The following KMT2D variants were observed in gnomAD, a reference collection of about 807,000 sequenced individuals.
The protein encoded by KMT2D is lysine methyltransferase 2D, also known as histone-lysine N-methyltransferase 2D.
KMT2D carries 55 observed loss-of-function variants against 512.7 expected under a neutral mutation model. The ratio of observed to expected loss-of-function variants is 0.11; its 90% confidence interval spans 0.09 to 0.13. The LOEUF is 0.13. KMT2D is among the 10% of genes least tolerant of loss of function. The pLI is 1.00. For missense variants in KMT2D, 6,061 were observed against 7,127.9 expected, an observed-to-expected ratio of 0.85 and a Z score of 5.39; for synonymous variants, 2,995 against 2,904.0, an observed-to-expected ratio of 1.03 and a Z score of -1.01.
At chr12:49,035,073 G>A in intron 35 of KMT2D, 138 bp from the exon 36 acceptor site, 5 of 1,075,684 alleles carry the variant, frequency 4.6e-6, no homozygotes, top group Non-Finnish European at 6.7e-6. Context: ...ACTGAATTAG[G>A]AGCCAGTCGG....
Position 49,041,971 on chromosome 12 carries a change from T to C in KMT2D, c.6129A>G (p.Lys2043=). 1 of 1,612,156 alleles carries C rather than the reference T, an allele frequency of 6.2e-7. No homozygotes were observed. The highest frequency in any genetic ancestry group is 8.5e-7 in the Non-Finnish European group (1 of 1,179,128). ...CCTTTCTCCAGAGCTTCATGATTTG[T>C]TTGCAACGGCTTGACCAGTCTGGAG... ...QDYPDWSSRC[K]QIMKLWRKVP... The change falls in exon 30 of 55, where the codon AAA becomes AAG. Residue 2043 remains lysine, a synonymous_variant. Transcript: ENST00000301067. The surrounding 1 kb of genome is among the most constrained non-coding windows in gnomAD (Gnocchi z 5.4).
At chr12:49,025,740 CTTAGT>C (rs904415943) in intron 49 of KMT2D, among the ~76,000 whole-genome samples, 1 of 152,172 alleles carries the variant, frequency 6.6e-6, no homozygotes, top group African/African-American at 2.4e-5. Context: ...AATCACTTAG[CTTAGT>C]TTGTGGCTCA....
In KMT2D at chr12:49,037,516, C is replaced by T. The variant is rs2120480619; in HGVS notation, c.9840G>A (p.Gln3280=). Residue 3280 remains glutamine, a synonymous_variant, in exon 35 of 55, where the codon CAG becomes CAA. Coordinates refer to ENST00000301067, the MANE Select transcript of KMT2D (RefSeq NM_003482.4). ...GTGCAGACAGTAGGGAATGCTGCTG[C>T]TGCTGTTGCTGCTGCTGCTGGGCAG... The part of the protein sequence containing the change: ...LQPAQQQQQQ[Q]QQHSLLSAPG... 5 of 1,555,754 alleles carry T rather than the reference C, an allele frequency of 3.2e-6. No individual in the cohort carries two copies. Among genetic ancestry groups the T allele is most frequent in the African/African-American group, 1.4e-5 (1 of 73,348 alleles).
chr12:49,030,860 T>C, intron 41 of KMT2D, 33 bp downstream of exon 41: 1 of 1,613,198 alleles, frequency 6.2e-7, no homozygotes. Context: ...TATCCTGGGA[T>C]GGGACCAGGG....
rs2120655059 is a variant in KMT2D, at chr12:49,050,668, C to A, written c.2920G>T (p.Ala974Ser). 1.2e-6 allele frequency: 2 copies of A among 1,613,460 alleles called. No individual in the cohort carries two copies. The highest frequency in any genetic ancestry group is 8.5e-7 in the Non-Finnish European group (1 of 1,179,722). ...KGDSDPESPL[A>S]APILETPISP... Reference sequence around the variant, plus strand: ...ATGGGTGTCTCCAGGATGGGGGCAGCCAACGGTGACTCAGGGTCACTGTCC... The same window carrying A: ...ATGGGTGTCTCCAGGATGGGGGCAGACAACGGTGACTCAGGGTCACTGTCC... Residue 974 changes from alanine to serine, a missense_variant, in exon 12 of 55, where the codon GCT (alanine) becomes TCT (serine). By Grantham distance (99) the Ala-to-Ser change is moderately conservative (BLOSUM62 1). Coordinates refer to ENST00000301067, the MANE Select transcript of KMT2D (RefSeq NM_003482.4).
chr12:49,056,424 C>T (rs1938414014), intron 1 of KMT2D, among the ~76,000 whole-genome samples: 1 of 151,858 alleles, frequency 6.6e-6, no homozygotes, highest in South Asian at 2.1e-4. Context: ...CATTATTTTC[C>T]TAGATCTCAG....
chr12:49,040,878 T>C lies in KMT2D; in HGVS notation c.6892A>G (p.Ser2298Gly). 1 of 1,613,722 alleles carries C rather than the reference T, an allele frequency of 6.2e-7. No individual in the cohort carries two copies. ...AAGCCCAGGTTTGGGGGCCCATAGC[T>C]AGGAGAGGATGCCCCAAGCTCTTCC... Reference protein sequence around the residue: ...KKEELGASSPSYGPPNLGFVD... With the variant: ...KKEELGASSPGYGPPNLGFVD... The change falls in exon 32 of 55, where the codon AGC becomes GGC. Residue 2298 changes from serine (S) to glycine (G), a missense_variant. Physicochemically the swap from Ser to Gly is moderately conservative, Grantham distance 56. Around this residue, in one of 16 missense-constraint regions of KMT2D, gnomAD observed 710 missense variants for 647.3 expected, o/e 1.10. Coordinates refer to ENST00000301067, the MANE Select transcript of KMT2D (RefSeq NM_003482.4).
chr12:49,021,956 C>T, intron 54 of KMT2D, 84 bp from the exon 55 acceptor site: 1 of 1,553,616 alleles, frequency 6.4e-7, no homozygotes, highest in Non-Finnish European at 8.9e-7. Context: ...AGGTGCCCAG[C>T]CTAGGAATCC....
chr12:49,042,327 C>T lies in KMT2D; in HGVS notation c.5871G>A (p.Glu1957=), dbSNP rs764637568. 6.5e-7 allele frequency: 1 copy of T among 1,528,066 alleles called. No individual in the cohort carries two copies. The highest frequency in any genetic ancestry group is 8.8e-7 in the Non-Finnish European group (1 of 1,136,878). The allele number at this position is 1,528,066 out of a possible 1,614,324, so 94.7% of individuals were successfully genotyped here. Residue 1957 remains glutamate, a synonymous_variant, in exon 29 of 55, where the codon GAG becomes GAA. Coordinates refer to ENST00000301067, the MANE Select transcript of KMT2D (RefSeq NM_003482.4). The surrounding 1 kb of genome is among the most constrained non-coding windows in gnomAD (Gnocchi z 4.4). ...LCQSPFLDSR[E]RGGFFSPEPG... is the part of the protein sequence containing the mutation. ...GTTCCGGGCTAAAGAAGCCCCCGCGCTCCCTGGGGCGCAGGGGCAGAGAGT... is the reference window on the plus strand; with the variant it reads ...GTTCCGGGCTAAAGAAGCCCCCGCGTTCCCTGGGGCGCAGGGGCAGAGAGT...
rs994669431 is a variant in KMT2D at position 49,049,642 on chromosome 12, G to A, written c.3906+40C>T. 17 of 1,529,584 alleles carry A rather than the reference G, an allele frequency of 1.1e-5. No individual in the cohort carries two copies. In the African/African-American group the frequency reaches 1.5e-4, roughly 14 times the overall value. 94.8% of individuals were successfully genotyped at this position (1,529,584 alleles called of 1,614,324 possible). The stretch of plus-strand genomic sequence containing the variant: ...CACAGGACTGTACCTCTGACAGTGG[G>A]CTAACTCTAATCACATCCCGCAGCT... On this transcript the variant is annotated intron_variant, in intron 12 of 54. Coordinates refer to ENST00000301067, the MANE Select transcript of KMT2D (RefSeq NM_003482.4).
rs1316418344 is a variant in KMT2D at position 49,040,888 on chromosome 12, T to C, written c.6882A>G (p.Ala2294=). 6.2e-7 allele frequency: 1 copy of C among 1,613,786 alleles called. No homozygotes were observed. The highest frequency in any genetic ancestry group is 8.5e-7 in the Non-Finnish European group (1 of 1,179,746). Residue 2294 remains alanine (A), a synonymous_variant, in exon 32 of 55, where the codon GCA becomes GCG. Transcript: ENST00000301067. The part of the protein sequence containing the change: ...ALEVKKEELG[A]SSPSYGPPNL... The stretch of plus-strand genomic sequence containing the variant: ...TTGGGGGCCCATAGCTAGGAGAGGA[T>C]GCCCCAAGCTCTTCCTTCTTCACCT...
Position 49,042,366 on chromosome 12 carries a change from G to C in KMT2D, c.5868-36C>G, listed in dbSNP as rs1592139692. 2 of 1,497,210 alleles carry C rather than the reference G, an allele frequency of 1.3e-6. 1 individual carries two copies. Among genetic ancestry groups the C allele is most frequent in the East Asian group, 4.9e-5 (2 of 40,876 alleles). The allele number at this position is 1,497,210 out of a possible 1,614,324, so 92.7% of individuals were successfully genotyped here. A position where few individuals can be genotyped will look rare whatever the true frequency, so the allele number is the denominator to read the frequency against. ...GGGGCAGAGAGTCACAGGGCGCAGG[G>C]ATGCCAAGTCCCACCCCAGACAAAC... On this transcript the variant is annotated intron_variant, in intron 28 of 54. Transcript: ENST00000301067. The surrounding 1 kb of genome is among the most constrained non-coding windows in gnomAD (Gnocchi z 4.4).
chr12:49,043,120 C>T lies in KMT2D; in HGVS notation c.5600G>A (p.Gly1867Asp), dbSNP rs2120563815. The T allele has an allele frequency of 6.2e-7, 1 of 1,614,006 alleles. No homozygotes were observed. Among genetic ancestry groups the T allele is most frequent in the Non-Finnish European group, 8.5e-7 (1 of 1,179,860 alleles). Reference sequence around the variant, plus strand: ...TAAGTCAGAGCTAAGCATCCCTTCACCTGGGGTGCCTGGCTTCTCAGGGTC... The same window carrying T: ...TAAGTCAGAGCTAAGCATCCCTTCATCTGGGGTGCCTGGCTTCTCAGGGTC... ...PSDPEKPGTP[G>D]EGMLSSDLDR... Residue 1867 changes from glycine (G) to aspartate (D), a missense_variant, in exon 26 of 55, where the codon GGT becomes GAT. Coordinates refer to ENST00000301067, the MANE Select transcript of KMT2D (RefSeq NM_003482.4).
rs201138648 is a variant in KMT2D at position 49,039,652 on chromosome 12, T to C, written c.8047-35A>G. On this transcript the variant is annotated intron_variant, in intron 32 of 54. Coordinates refer to ENST00000301067, the MANE Select transcript of KMT2D (RefSeq NM_003482.4). The surrounding 1 kb of genome is among the most constrained non-coding windows in gnomAD (Gnocchi z 5.0). ...AAAAAGAGAAGAGGAATAAGCCCAT[T>C]CTACTCCAATCATAGGGCTGCCCCA... is the stretch of plus-strand genomic sequence containing the variant. 3.7e-4 allele frequency: 590 copies of C among 1,602,968 alleles called. 8 individuals are homozygous for C. The South Asian group carries it at 4.8e-3, about 13-fold the overall frequency.
chr12:49,060,794 C>T lies in KMT2D; in HGVS notation c.-1219G>A, dbSNP rs140029545. On this transcript the variant is annotated 5_prime_UTR_variant, in exon 1 of 55. Coordinates refer to ENST00000301067, the MANE Select transcript of KMT2D (RefSeq NM_003482.4). ...CCTATTTTGTGTTGGAGCGGAGCGG[C>T]GGAGGGATCCCGCCCTCTCGGAGGA... Among the ~76,000 whole-genome samples the T allele has an allele frequency of 4.2e-4, 64 of 152,308 alleles. 1 individual carries two copies. The highest frequency in any genetic ancestry group is 1.4e-3 in the African/African-American group (60 of 41,572).
rs796401408 is a variant in KMT2D at position 49,029,668 on chromosome 12, GT to G, written c.14000-193del. On this transcript the variant is annotated intron_variant, in intron 43 of 54. Transcript: ENST00000301067. Reference sequence around the variant, plus strand: ...TGCATGCCAGGCACTGTTGTTTTTTGTTTTTTTTGTTTTTTTTTTTTTTTTC... The same window carrying G: ...TGCATGCCAGGCACTGTTGTTTTTTGTTTTTTTGTTTTTTTTTTTTTTTTC... Among the ~76,000 whole-genome samples, 11 of 117,446 alleles carry G rather than the reference GT, an allele frequency of 9.4e-5. No individual in the cohort carries two copies. The East Asian group carries it at 2.7e-3, about 29-fold the overall frequency. 77.0% of individuals were successfully genotyped at this position (117,446 alleles called of 152,430 possible). A position where few individuals can be genotyped will look rare whatever the true frequency, so the allele number is the denominator to read the frequency against.
intron 12 of KMT2D, 84 bp from the exon 13 acceptor site, chr12:49,049,302 A>G: frequency 1.1e-6 from 1 of 878,950 alleles, no homozygotes; most frequent in Non-Finnish European, 1.8e-6. Context: ...GAAGTGACAA[A>G]CGGACAGAGT....
chr12:49,043,815 C>T (rs775705442), intron 23 of KMT2D, 33 bp from the exon 24 acceptor site: 2 of 1,613,184 alleles, frequency 1.2e-6, no homozygotes, highest in Admixed American at 3.3e-5. Context: ...CAGTTTTCTT[C>T]ATGCCCTGCA....
rs765740150 is a variant in KMT2D at position 49,031,819 on chromosome 12, A to C, written c.12886T>G (p.Leu4296Val). The change falls in exon 40 of 55, where the codon TTA (leucine) becomes GTA (valine). Residue 4296 changes from leucine to valine, a missense_variant. By Grantham distance (32) the Leu-to-Val change is conservative. Around this residue, in one of 16 missense-constraint regions of KMT2D, gnomAD observed 1,600 missense variants for 1,754.9 expected, o/e 0.91. Coordinates refer to ENST00000301067, the MANE Select transcript of KMT2D (RefSeq NM_003482.4). Reference protein sequence around the residue: ...PPRLPAPPGALSTGPVLGPVH... With the variant: ...PPRLPAPPGAVSTGPVLGPVH... ...GGGCCAAGGACTGGTCCTGTAGATA[A>C]GGCTCCTGGTGGGGCAGGGAGCCGG... 1 of 1,570,506 alleles carries C rather than the reference A, an allele frequency of 6.4e-7. No homozygotes were observed. The highest frequency in any genetic ancestry group is 1.8e-5 in the Admixed American group (1 of 54,426).
Sources: allele counts gnomAD v4.1 joint callset (sites outside exome capture counted in the v4.1 genomes callset), GRCh38; gene constraint gnomAD v4.1.1; regional missense constraint gnomAD v4.1.1; non-coding constraint Gnocchi (gnomAD v3.1); transcripts MANE v1.5; gene names NCBI Gene and HGNC (gene_info 2026-07-23, HGNC 2026-07-21).